TMPRSS15: variants seen among roughly 807,000 people sequenced by gnomAD.
The protein encoded by TMPRSS15 is enteropeptidase.
In TMPRSS15, 128 loss-of-function variants were observed where a neutral mutation model predicts 125.3. The ratio of observed to expected loss-of-function variants is 1.02; its 90% CI spans 0.89 to 1.18. TMPRSS15 has a LOEUF of 1.18. Ranked by LOEUF, TMPRSS15 falls within the 50% of genes most tolerant of loss-of-function variation. The pLI, the probability that TMPRSS15 is intolerant of heterozygous loss-of-function variation, is 0.00. For missense variants in TMPRSS15, 1,283 were observed against 1,212.7 expected (o/e 1.06, Z -0.86); for synonymous variants, 446 against 423.2 (o/e 1.05, Z -0.66).
chr21:18,453,915 A>G (rs781558973), intron 1 of TMPRSS15, among the ~76,000 whole-genome samples: 3 of 152,228 alleles, frequency 2.0e-5, no homozygotes, highest in Non-Finnish European at 2.9e-5. Flanking sequence ...AAATTCTGCA[A>G]TATTCCACCT....
chr21:18,275,336 C>T lies in TMPRSS15; in HGVS notation c.2765G>A (p.Gly922Asp). ...TTCTTGCAATATGTTTGCAGTAGTA[C>T]CTGCTCAAAATGGAGAATGCAGCCA... ...IAGWGTVVYQ[G>D]TTANILQEAD... Residue 922 changes from glycine to aspartate, a missense_variant and splice_region_variant, in exon 24 of 25, where the codon GGT becomes GAT. Coordinates refer to ENST00000284885, the MANE Select transcript of TMPRSS15 (RefSeq NM_002772.3). 1.2e-6 allele frequency: 2 copies of T among 1,613,802 alleles called. No homozygotes were observed. The highest frequency in any genetic ancestry group is 2.2e-5 in the South Asian group (2 of 91,086).
chr21:18,360,490 T>C (rs1481783984), intron 7 of TMPRSS15, among the ~76,000 whole-genome samples: 1 of 152,126 alleles, frequency 6.6e-6, no homozygotes, highest in South Asian at 2.1e-4. Flanking sequence ...ACCTGCACAC[T>C]GTTCTCCATA....
At chr21:18,314,642 C>T (rs2824731) in intron 17 of TMPRSS15, among the ~76,000 whole-genome samples, 104,484 of 151,934 alleles carry the variant, frequency 0.69, 36,721 homozygotes, top group East Asian at 0.99. Flanking sequence ...GTACATAGTA[C>T]GTAAGTGTTA....
At chr21:18,308,347 T>G (rs978090073) in intron 18 of TMPRSS15, among the ~76,000 whole-genome samples, 9 of 150,920 alleles carry the variant, frequency 6.0e-5, no homozygotes, top group Non-Finnish European at 1.2e-4. Flanking sequence ...GAGTTTTTGT[T>G]GAAGTTTATA....
At chr21:18,463,979 C>T (rs1319853346) in intron 1 of TMPRSS15, among the ~76,000 whole-genome samples, 1 of 151,844 alleles carries the variant, frequency 6.6e-6, no homozygotes, top group Non-Finnish European at 1.5e-5. Context: ...TGGAGACCAT[C>T]CTGGCAAACA....
intron 8 of TMPRSS15, among the ~76,000 whole-genome samples, chr21:18,358,116 C>T (rs2075643737): frequency 6.6e-6 from 1 of 151,676 alleles, no homozygotes. Context: ...TATGGCTAAA[C>T]ATTTTAAAAT....
At chr21:18,444,297 A>C (rs959769790) in intron 1 of TMPRSS15, among the ~76,000 whole-genome samples, 3 of 152,234 alleles carry the variant, frequency 2.0e-5, no homozygotes, top group Non-Finnish European at 4.4e-5. Flanking sequence ...GGAATACTAC[A>C]TAACCATAAA....
At chr21:18,375,448 A>G (rs2075832688) in intron 5 of TMPRSS15, among the ~76,000 whole-genome samples, 1 of 152,134 alleles carries the variant, frequency 6.6e-6, no homozygotes, top group African/African-American at 2.4e-5. Flanking sequence ...CTTTTTTTCT[A>G]AGAAGTCTGT....
At chr21:18,314,523 C>T (rs1213555103) in intron 17 of TMPRSS15, among the ~76,000 whole-genome samples, 2 of 152,110 alleles carry the variant, frequency 1.3e-5, no homozygotes, top group African/African-American at 4.8e-5. Context: ...GATGATCTGC[C>T]CACCTCGGCC....
At chr21:18,474,235 A>G (rs1296937138) in intron 1 of TMPRSS15, among the ~76,000 whole-genome samples, 2 of 152,038 alleles carry the variant, frequency 1.3e-5, no homozygotes, top group Non-Finnish European at 2.9e-5. Context: ...CCCAATAGCC[A>G]GAGAGATACA....
intron 10 of TMPRSS15, among the ~76,000 whole-genome samples, chr21:18,346,771 T>C (rs113956523): frequency 2.5e-4 from 38 of 152,324 alleles, no homozygotes; most frequent in African/African-American, 8.2e-4. Flanking sequence ...GCTCTCTGAG[T>C]CTTCTTGGGA....
chr21:18,335,272 T>C (rs2075380994), intron 13 of TMPRSS15, among the ~76,000 whole-genome samples: 2 of 152,220 alleles, frequency 1.3e-5, no homozygotes, highest in Admixed American at 1.3e-4. Context: ...TGGCCAATAC[T>C]GGGTTTTTAA....
intron 1 of TMPRSS15, among the ~76,000 whole-genome samples, chr21:18,427,511 T>C (rs540385692): frequency 1.3e-5 from 2 of 152,230 alleles, no homozygotes; most frequent in Non-Finnish European, 2.9e-5. Context: ...AAAAAGCTAT[T>C]TATTTTAGCC....
At chr21:18,340,702 G>A (rs900816538) in intron 13 of TMPRSS15, among the ~76,000 whole-genome samples, 2 of 152,058 alleles carry the variant, frequency 1.3e-5, no homozygotes, top group Admixed American at 6.5e-5. Context: ...GTAGGTTTCA[G>A]ATTTAACTAA....
intron 1 of TMPRSS15, among the ~76,000 whole-genome samples, chr21:18,416,163 A>C (rs2123181661): frequency 6.6e-6 from 1 of 152,202 alleles, no homozygotes; most frequent in Middle Eastern, 3.4e-3. Flanking sequence ...TAAATGAAAA[A>C]AAACATGGCT....
intron 1 of TMPRSS15, among the ~76,000 whole-genome samples, chr21:18,421,744 GAATA>G (rs1295835472): frequency 6.6e-6 from 1 of 152,126 alleles, no homozygotes; most frequent in Non-Finnish European, 1.5e-5. Flanking sequence ...TGTAAGACAT[GAATA>G]AGATTTTTCT....
intron 1 of TMPRSS15, among the ~76,000 whole-genome samples, chr21:18,409,343 C>T (rs1164549241): frequency 1.3e-5 from 2 of 151,936 alleles, no homozygotes; most frequent in South Asian, 4.1e-4. Flanking sequence ...ATGTGATGTA[C>T]CTTTTTCAGT....
At chr21:18,436,519 A>C (rs1392975899) in intron 1 of TMPRSS15, among the ~76,000 whole-genome samples, 1 of 151,948 alleles carries the variant, frequency 6.6e-6, no homozygotes, top group Admixed American at 6.6e-5. Context: ...TGCAGATGAC[A>C]TGATTGTATA....
chr21:18,452,401 C>T (rs569952796), intron 1 of TMPRSS15, among the ~76,000 whole-genome samples: 14 of 152,282 alleles, frequency 9.2e-5, no homozygotes, highest in African/African-American at 2.4e-4. Context: ...TGGCAGCTCA[C>T]GCCTGTAATC....
Sources: allele counts gnomAD v4.1 joint callset (sites outside exome capture counted in the v4.1 genomes callset), GRCh38; gene constraint gnomAD v4.1.1; transcripts MANE v1.5; gene names NCBI Gene and HGNC (gene_info 2026-07-23, HGNC 2026-07-21).